Variants in ALDH1A3 observed in about 807,000 individuals in gnomAD.
ALDH1A3 encodes the protein retinaldehyde dehydrogenase 3.
Under a neutral mutation model 57.5 loss-of-function variants are expected in ALDH1A3, and 28 were observed. That is an observed-to-expected ratio of 0.49 (90% CI 0.36 to 0.67). The LOEUF is 0.67. Among genes scored for constraint, ALDH1A3 ranks in the 30% least tolerant of loss-of-function variants. The probability of loss-of-function intolerance (pLI) is 0.00; values close to 1 mark genes in which losing one functional copy is unlikely to be tolerated. For synonymous variants in ALDH1A3, 281 were observed against 264.8 expected (o/e 1.06, Z -0.59); for missense variants, 507 against 669.4 (o/e 0.76, Z 2.68).
chr15:100,898,556 G>A lies in ALDH1A3; in HGVS notation c.883+371G>A, dbSNP rs146681727. Among the ~76,000 whole-genome samples the A allele has an allele frequency of 2.6e-4, 39 of 152,296 alleles. 1 individual carries two copies. In the East Asian group the frequency reaches 6.8e-3, roughly 26 times the overall value. On this transcript the variant is annotated intron_variant, in intron 8 of 12. Coordinates refer to ENST00000329841, the MANE Select transcript of ALDH1A3 (RefSeq NM_000693.4). ...CCCCTGGGAGGAGTGGGGAGGGCAG[G>A]TGCTGCCCACTCCCAGTCATTCATT... is the stretch of plus-strand genomic sequence containing the variant.
chr15:100,905,417 C>A, intron 9 of ALDH1A3, 106 bp from the exon 10 acceptor site: 2 of 1,369,270 alleles, frequency 1.5e-6, no homozygotes, highest in Non-Finnish European at 2.0e-6. Context: ...TTGACAAGAA[C>A]ATGCAGAGGG....
At position 100,907,282 on chromosome 15, in the gene ALDH1A3, A is replaced by C; in HGVS notation, c.1391+4A>C. On this transcript the variant is annotated splice_donor_region_variant and intron_variant, in intron 11 of 12. Transcript: ENST00000329841. ...CCTTAGAGTCTGGAACGGTCTGGTG[A>C]GTTGACTGTGTGTGTATTTCAGCTC... The C allele has an allele frequency of 6.2e-7, 1 of 1,612,628 alleles. No individual in the cohort carries two copies. Among genetic ancestry groups the C allele is most frequent in the African/African-American group, 1.3e-5 (1 of 74,950 alleles).
intron 12 of ALDH1A3, among the ~76,000 whole-genome samples, chr15:100,910,033 T>G (rs2141574358): frequency 6.6e-6 from 1 of 152,260 alleles, no homozygotes; most frequent in Non-Finnish European, 1.5e-5. Flanking sequence ...GGCTCTCTTT[T>G]GAGATTCTTA....
intron 9 of ALDH1A3, among the ~76,000 whole-genome samples, chr15:100,903,788 A>T (rs7170202): frequency 0.1 from 15,964 of 152,182 alleles, 1,630 homozygotes; most frequent in African/African-American, 0.27. Context: ...TATATTTAAA[A>T]ACCGTTTGTA....
At chr15:100,891,012 C>A (rs1207191322) in intron 3 of ALDH1A3, among the ~76,000 whole-genome samples, 1 of 152,326 alleles carries the variant, frequency 6.6e-6, no homozygotes, top group Admixed American at 6.5e-5. Flanking sequence ...CTAGACCAGT[C>A]CTGTGGTCTT....
intron 9 of ALDH1A3, 63 bp from the exon 10 acceptor site, chr15:100,905,460 A>G: frequency 6.2e-7 from 1 of 1,605,604 alleles, no homozygotes; most frequent in Non-Finnish European, 8.5e-7. Context: ...GCCACTGAAA[A>G]CATGAGATGG....
At chr15:100,910,545 G>A (rs2041873302) in intron 12 of ALDH1A3, among the ~76,000 whole-genome samples, 1 of 152,190 alleles carries the variant, frequency 6.6e-6, no homozygotes, top group Non-Finnish European at 1.5e-5. Context: ...CATGAGATGG[G>A]TCCAGCTGTT....
At chr15:100,888,382 T>C (rs1339465751) in intron 3 of ALDH1A3, 2 of 152,242 alleles carry the variant, frequency 1.3e-5, no homozygotes, top group African/African-American at 4.8e-5. Flanking sequence ...GTGCTGGGAT[T>C]ACAGATGTGA....
At chr15:100,905,044 C>T (rs888892083) in intron 9 of ALDH1A3, among the ~76,000 whole-genome samples, 4 of 152,224 alleles carry the variant, frequency 2.6e-5, no homozygotes, top group African/African-American at 9.6e-5. Context: ...TTCAGATAAA[C>T]AGTAAATGCA....
rs74411101 is a variant in ALDH1A3, at chr15:100,910,227, T to G, written c.1466+1745T>G. Among the ~76,000 whole-genome samples, 947 of 152,368 alleles carry G rather than the reference T, an allele frequency of 6.2e-3. 8 individuals are homozygous for G. The highest frequency in any genetic ancestry group is 0.02 in the African/African-American group (852 of 41,584). ...GAAGCCTGTCCATTAGCCTTCCCCC[T>G]TATCCCTGTGGCTGGCTTCGCCTTC... is the stretch of plus-strand genomic sequence containing the variant. On this transcript the variant is annotated intron_variant, in intron 12 of 12. Transcript: ENST00000329841.
intron 6 of ALDH1A3, 146 bp from the exon 7 acceptor site, chr15:100,895,787 T>C (rs2041696369): frequency 1.5e-6 from 1 of 681,734 alleles, no homozygotes; most frequent in East Asian, 2.7e-5. Context: ...GTGCCCACGG[T>C]CAACTGCTTC....
chr15:100,891,385 G>A (rs2041647790), intron 3 of ALDH1A3, among the ~76,000 whole-genome samples: 1 of 152,230 alleles, frequency 6.6e-6, no homozygotes, highest in Non-Finnish European at 1.5e-5. Context: ...AGCTGGGGTA[G>A]CCCGAGCATC....
At chr15:100,885,693 G>A (rs1401555887) in intron 2 of ALDH1A3, among the ~76,000 whole-genome samples, 1 of 150,192 alleles carries the variant, frequency 6.7e-6, no homozygotes, top group Non-Finnish European at 1.5e-5. Context: ...GGACCTGGAG[G>A]CATTAAAGAA....
At chr15:100,910,948 G>A (rs938214896) in intron 12 of ALDH1A3, among the ~76,000 whole-genome samples, 12 of 152,204 alleles carry the variant, frequency 7.9e-5, no homozygotes, top group African/African-American at 2.9e-4. Context: ...CACCCTAACA[G>A]TGCTTTTGGC....
intron 10 of ALDH1A3, among the ~76,000 whole-genome samples, chr15:100,905,990 C>T (rs2041818906): frequency 1.3e-5 from 2 of 152,252 alleles, no homozygotes; most frequent in South Asian, 4.2e-4. Context: ...GATTTTCTAA[C>T]ACAACCGGTC....
In ALDH1A3 at chr15:100,889,266, T is replaced by G. The variant is rs558613697; in HGVS notation, c.345+1554T>G. On this transcript the variant is annotated intron_variant, in intron 3 of 12. Transcript: ENST00000329841. This position sits in a 1 kb window ranked among gnomAD's most constrained non-coding sequence, Gnocchi z 5.1. ...GGTAGCCACTGTTTAAAGGAGGGTG[T>G]CAGCCAGGACACGGAAATTGCTGTT... Among the ~76,000 whole-genome samples, 1 of 152,280 alleles carries G rather than the reference T, an allele frequency of 6.6e-6. No individual in the cohort carries two copies. The highest frequency in any genetic ancestry group is 2.4e-5 in the African/African-American group (1 of 41,544).
At chr15:100,910,380 G>A (rs1305307722) in intron 12 of ALDH1A3, among the ~76,000 whole-genome samples, 2 of 152,206 alleles carry the variant, frequency 1.3e-5, no homozygotes, top group African/African-American at 2.4e-5. Context: ...GCCCCTCCAG[G>A]GACAGGCAGC....
At chr15:100,909,288 GTGCAAACTCCTCAGTGTGTGAACCCAC>G (rs1198066843) in intron 12 of ALDH1A3, among the ~76,000 whole-genome samples, 2 of 109,598 alleles carry the variant, frequency 1.8e-5, no homozygotes, top group Admixed American at 1.9e-4. Context: ...CCACATGTGT[GTGCAAACTCCTCAGTGTGTGAACCCAC>G]TGCAAACTCC....
rs369569216 is a variant in ALDH1A3, at chr15:100,900,559, G to A, written c.884-16G>A. On this transcript the variant is annotated splice_polypyrimidine_tract_variant and intron_variant, in intron 8 of 12. Coordinates refer to ENST00000329841, the MANE Select transcript of ALDH1A3 (RefSeq NM_000693.4). ...TCCTCTCGCTCTGCCCGCCTCCCTC[G>A]CCCCTCCCCCTCCAGTGGACTTGGC... 9.6e-6 allele frequency: 15 copies of A among 1,564,758 alleles called. No homozygotes were observed. In the African/African-American group the frequency reaches 1.2e-4, roughly 13 times the overall value.
Sources: gnomAD v4.1 joint callset for allele counts (sites outside exome capture counted in the v4.1 genomes callset) on GRCh38, gnomAD v4.1.1 for gene constraint, Gnocchi (gnomAD v3.1) non-coding constraint, MANE v1.5 for transcripts, NCBI Gene and HGNC (gene_info 2026-07-23, HGNC 2026-07-21) for gene names.